JAKMIP2: variants seen among roughly 807,000 people sequenced by gnomAD.
The protein encoded by JAKMIP2 is janus kinase and microtubule-interacting protein 2.
In JAKMIP2, 25 loss-of-function variants were observed where a neutral mutation model predicts 115.0. The ratio of observed to expected loss-of-function variants is 0.22; its 90% CI spans 0.16 to 0.30. The LOEUF is 0.30. JAKMIP2 is among the 10% of genes least tolerant of loss of function. JAKMIP2 has a pLI of 1.00. For missense variants in JAKMIP2, 642 were observed against 957.6 expected (o/e 0.67, Z 4.35); for synonymous variants, 334 against 343.6 (o/e 0.97, Z 0.31).
chr5:147,650,437 T>C lies in JAKMIP2; in HGVS notation c.738A>G (p.Glu246=). ...CAGCCTCCTTGACCAGAAAGAGTTG[T>C]TCGTCCAAAGCCTCCTTCTGAAGTT... is the stretch of plus-strand genomic sequence containing the variant. ...KLQLQKEALD[E]QLFLVKEAEC... is the part of the protein sequence containing the mutation. Residue 246 remains glutamate (E), a synonymous_variant, in exon 4 of 22, where the codon GAA becomes GAG. Coordinates refer to ENST00000616793, the MANE Select transcript of JAKMIP2 (RefSeq NM_001270941.2). The C allele has an allele frequency of 6.2e-7, 1 of 1,613,912 alleles. No homozygotes were observed. Among genetic ancestry groups the C allele is most frequent in the Non-Finnish European group, 8.5e-7 (1 of 1,179,848 alleles).
At chr5:147,598,151 C>G (rs1294355952) in intron 21 of JAKMIP2, among the ~76,000 whole-genome samples, 1 of 152,144 alleles carries the variant, frequency 6.6e-6, no homozygotes, top group Non-Finnish European at 1.5e-5. Flanking sequence ...CAGGCGCCCG[C>G]CACCACGCCT....
intron 3 of JAKMIP2, among the ~76,000 whole-genome samples, chr5:147,658,929 G>A (rs974675557): frequency 1.3e-4 from 20 of 152,142 alleles, no homozygotes; most frequent in African/African-American, 4.6e-4. Flanking sequence ...TGCTGGCAGT[G>A]AGAATTTCAA....
intron 12 of JAKMIP2, among the ~76,000 whole-genome samples, chr5:147,635,720 T>A (rs1032905022): frequency 1.3e-5 from 2 of 152,086 alleles, no homozygotes; most frequent in African/African-American, 4.8e-5. Flanking sequence ...TGCCACCACA[T>A]CTGCCTAATT....
chr5:147,602,819 T>G (rs974863859), intron 20 of JAKMIP2, among the ~76,000 whole-genome samples: 2 of 152,366 alleles, frequency 1.3e-5, no homozygotes, highest in African/African-American at 4.8e-5. Flanking sequence ...CATTCTCATA[T>G]TGTGAATGTT....
chr5:147,653,899 G>A (rs765507631), intron 3 of JAKMIP2, among the ~76,000 whole-genome samples: 5 of 152,156 alleles, frequency 3.3e-5, no homozygotes, highest in Non-Finnish European at 7.4e-5. Context: ...AAGGTGTAAG[G>A]AAGGGATCCA....
chr5:147,645,067 G>C (rs1271470257), intron 5 of JAKMIP2, 71 bp from the exon 6 acceptor site: 38 of 1,461,778 alleles, frequency 2.6e-5, no homozygotes, highest in Non-Finnish European at 3.4e-5. Context: ...AAAGTGGTGG[G>C]AGTGAAAGCA....
At chr5:147,652,686 T>A (rs1363593436) in intron 3 of JAKMIP2, among the ~76,000 whole-genome samples, 1 of 152,190 alleles carries the variant, frequency 6.6e-6, no homozygotes, top group Non-Finnish European at 1.5e-5. Context: ...CAGATTTACT[T>A]TTTAAAATTT....
rs1259329574 is a variant in JAKMIP2, at chr5:147,717,435, G to A, written c.-148-45481C>T. On this transcript the variant is annotated intron_variant, in intron 1 of 21. Transcript: ENST00000616793. ...GCATTGAATCTGTAAATTACCTTGG[G>A]CAGTATGGCCATTTTCACGATATTG... is the stretch of plus-strand genomic sequence containing the variant. Among the ~76,000 whole-genome samples the A allele has an allele frequency of 4.3e-5, 6 of 139,076 alleles. 1 individual carries two copies. In the South Asian group the frequency reaches 1.5e-3, roughly 36 times the overall value. The allele number at this position is 139,076 out of a possible 152,430, so 91.2% of individuals were successfully genotyped here. A position where few individuals can be genotyped will look rare whatever the true frequency, so the allele number is the denominator to read the frequency against.
intron 1 of JAKMIP2, among the ~76,000 whole-genome samples, chr5:147,756,290 C>T (rs1236320463): frequency 6.6e-6 from 1 of 152,044 alleles, no homozygotes; most frequent in Non-Finnish European, 1.5e-5. Flanking sequence ...TCATTTAAGT[C>T]AGTAAAGGTC....
At chr5:147,625,742 A>T (rs1250673592) in intron 16 of JAKMIP2, among the ~76,000 whole-genome samples, 1 of 152,164 alleles carries the variant, frequency 6.6e-6, no homozygotes, top group African/African-American at 2.4e-5. Context: ...TTCCTCATGT[A>T]TAAAATAAAA....
rs564182180 is a variant in JAKMIP2 at position 147,747,941 on chromosome 5, C to A, written c.-149+34515G>T. Among the ~76,000 whole-genome samples, 6 of 152,292 alleles carry A rather than the reference C, an allele frequency of 3.9e-5. No homozygotes were observed. In the South Asian group the frequency reaches 1.0e-3, roughly 26 times the overall value. The stretch of plus-strand genomic sequence containing the variant: ...AACTATTGACTTGCTGGCATATATT[C>A]TTCAAGGTGCATCTCATCTGCTGCC... On this transcript the variant is annotated intron_variant, in intron 1 of 21. Transcript: ENST00000616793.
At chr5:147,756,064 G>T (rs536190167) in intron 1 of JAKMIP2, among the ~76,000 whole-genome samples, 1 of 152,208 alleles carries the variant, frequency 6.6e-6, no homozygotes, top group Non-Finnish European at 1.5e-5. Context: ...CAGTGCAAAG[G>T]GAAGGGACCA....
chr5:147,718,139 T>C (rs1367201729), intron 1 of JAKMIP2, among the ~76,000 whole-genome samples: 2 of 150,686 alleles, frequency 1.3e-5, no homozygotes, highest in African/African-American at 4.9e-5. Context: ...GTTTATATGC[T>C]AGATTACATT....
intron 1 of JAKMIP2, among the ~76,000 whole-genome samples, chr5:147,704,097 C>T (rs967582449): frequency 8.6e-5 from 13 of 152,000 alleles, no homozygotes; most frequent in Non-Finnish European, 1.8e-4. Flanking sequence ...ATTAACAATG[C>T]CTTTTGGAAC....
intron 1 of JAKMIP2, among the ~76,000 whole-genome samples, chr5:147,745,218 C>T (rs1381886674): frequency 6.6e-6 from 1 of 152,134 alleles, no homozygotes; most frequent in Non-Finnish European, 1.5e-5. Flanking sequence ...AACACTTTAC[C>T]AATGATCTGA....
intron 13 of JAKMIP2, 73 bp from the exon 14 acceptor site, chr5:147,631,584 T>G (rs1757351247): frequency 2.1e-6 from 2 of 930,450 alleles, no homozygotes; most frequent in Non-Finnish European, 1.7e-6. Context: ...CAGTGGTCTC[T>G]TTATGCTATT....
intron 1 of JAKMIP2, among the ~76,000 whole-genome samples, chr5:147,728,680 C>T (rs1425458349): frequency 1.3e-5 from 2 of 152,154 alleles, no homozygotes; most frequent in Non-Finnish European, 2.9e-5. Context: ...CCTTTTAGTT[C>T]ACATGACTTA....
At chr5:147,778,356 T>A (rs148106256) in intron 1 of JAKMIP2, among the ~76,000 whole-genome samples, 11 of 152,108 alleles carry the variant, frequency 7.2e-5, no homozygotes, top group African/African-American at 2.7e-4. Context: ...GTTAGTGTAT[T>A]TGGCAATTAA....
intron 4 of JAKMIP2, among the ~76,000 whole-genome samples, chr5:147,649,852 G>C (rs12657682): frequency 0.25 from 38,325 of 151,868 alleles, 6,110 homozygotes; most frequent in East Asian, 0.46. Context: ...CATATAAAAT[G>C]ATGAAAATTC....
Sources: allele counts gnomAD v4.1 joint callset (sites outside exome capture counted in the v4.1 genomes callset), GRCh38; gene constraint gnomAD v4.1.1; transcripts MANE v1.5; gene names NCBI Gene and HGNC (gene_info 2026-07-23, HGNC 2026-07-21).